The following ZSCAN31 variants were observed in gnomAD, a reference collection of about 807,000 sequenced individuals.
ZSCAN31 encodes the protein zinc finger and SCAN domain-containing protein 31.
In ZSCAN31, 14 loss-of-function variants were observed where a neutral mutation model predicts 22.5. That is an observed-to-expected ratio of 0.62 (90% CI 0.41 to 0.97). ZSCAN31 has a LOEUF of 0.97. Ranked by LOEUF, ZSCAN31 falls within the 50% of genes least tolerant of loss-of-function variation. The pLI, the probability that ZSCAN31 is intolerant of heterozygous loss-of-function variation, is 0.00. For missense variants in ZSCAN31, 424 were observed against 483.4 expected, an observed-to-expected ratio of 0.88 and a Z score of 1.15; for synonymous variants, 168 against 169.8, an observed-to-expected ratio of 0.99 and a Z score of 0.08.
At chr6:28,338,492 T>A (rs1764287937), upstream of ZSCAN31, among the ~76,000 whole-genome samples, 1 of 151,974 alleles carries the variant, frequency 6.6e-6, no homozygotes, top group Non-Finnish European at 1.5e-5. Context: ...CAGAACAGGG[T>A]CTCGTTCTGT....
upstream of ZSCAN31, among the ~76,000 whole-genome samples, chr6:28,340,729 A>T (rs1764378463): frequency 6.6e-6 from 1 of 152,176 alleles, no homozygotes; most frequent in Non-Finnish European, 1.5e-5. Flanking sequence ...AAATGATATT[A>T]TTTTTGCTTT....
intron 3 of ZSCAN31, 47 bp downstream of exon 3, chr6:28,327,336 T>C (rs776374938): frequency 2.5e-6 from 4 of 1,609,964 alleles, no homozygotes; most frequent in Non-Finnish European, 3.4e-6. Flanking sequence ...TATCGCCCTA[T>C]ATAGACCCAC....
upstream of ZSCAN31, among the ~76,000 whole-genome samples, chr6:28,338,505 A>G (rs554971389): frequency 3.5e-4 from 54 of 152,268 alleles, no homozygotes; most frequent in South Asian, 2.5e-3. Flanking sequence ...CGTTCTGTCA[A>G]CTAAGCTGGG....
intron 2 of ZSCAN31, among the ~76,000 whole-genome samples, chr6:28,350,790 T>C (rs1202708051): frequency 6.6e-6 from 1 of 152,184 alleles, no homozygotes; most frequent in African/African-American, 2.4e-5. Context: ...TAAGATACTC[T>C]GAAAAAGAGC....
upstream of ZSCAN31, among the ~76,000 whole-genome samples, chr6:28,355,007 T>C (rs1765330481): frequency 6.6e-6 from 1 of 152,202 alleles, no homozygotes; most frequent in Admixed American, 6.5e-5. Flanking sequence ...CCATAGGGTG[T>C]TGGTACTAGG....
upstream of ZSCAN31, among the ~76,000 whole-genome samples, chr6:28,338,438 A>AT (rs1243514836): frequency 5.3e-5 from 8 of 151,974 alleles, no homozygotes; most frequent in Admixed American, 1.3e-4. Context: ...TCACATTACA[A>AT]TTTTTTTTGT....
chr6:28,334,247 A>C (rs1434235170), intron 1 of ZSCAN31, among the ~76,000 whole-genome samples: 2 of 152,228 alleles, frequency 1.3e-5, no homozygotes, highest in African/African-American at 4.8e-5. Context: ...AGGAAGTGGA[A>C]GAGCTCATCC....
rs1220978380 is a variant in ZSCAN31 at position 28,349,326 on chromosome 6, T to C, written c.-371+4536A>G. Among the ~76,000 whole-genome samples the C allele has an allele frequency of 1.3e-5, 2 of 152,070 alleles. No individual in the cohort carries two copies. The highest frequency in any genetic ancestry group is 2.9e-5 in the Non-Finnish European group (2 of 67,994). On this transcript the variant is annotated intron_variant, in intron 2 of 7. Transcript: ENST00000396838. This position sits in a 1 kb window ranked among gnomAD's most constrained non-coding sequence, Gnocchi z 4.1. ...TTTCCATTCAGGTATCTTTTGTAAGTATTTGCTTCTGTGATAGATGTCTTT... is the reference window on the plus strand; with the variant it reads ...TTTCCATTCAGGTATCTTTTGTAAGCATTTGCTTCTGTGATAGATGTCTTT...
chr6:28,346,068 G>A (rs1354379154), intron 2 of ZSCAN31, among the ~76,000 whole-genome samples: 1 of 152,084 alleles, frequency 6.6e-6, no homozygotes, highest in Non-Finnish European at 1.5e-5. Context: ...GGCTCCGTGA[G>A]TTCAAAAGTC....
intron 2 of ZSCAN31, among the ~76,000 whole-genome samples, chr6:28,348,855 A>G (rs1459937039): frequency 6.6e-6 from 1 of 152,058 alleles, no homozygotes; most frequent in Non-Finnish European, 1.5e-5. Context: ...TCATATATAT[A>G]GGTGTATATA....
intron 2 of ZSCAN31, among the ~76,000 whole-genome samples, chr6:28,343,878 T>C (rs543103422): frequency 3.3e-5 from 5 of 152,270 alleles, no homozygotes; most frequent in African/African-American, 1.2e-4. Context: ...AGGTATATAA[T>C]GTGTAGTCAT....
chr6:28,351,883 A>C lies in ZSCAN31; in HGVS notation c.-371+1979T>G, dbSNP rs1188972381. 6.6e-6 allele frequency among the ~76,000 whole-genome samples: 1 copy of C among 152,154 alleles called. No individual in the cohort carries two copies. The highest frequency in any genetic ancestry group is 1.5e-5 in the Non-Finnish European group (1 of 68,036). On this transcript the variant is annotated intron_variant, in intron 2 of 7. Transcript: ENST00000396838. This position sits in a 1 kb window ranked among gnomAD's most constrained non-coding sequence, Gnocchi z 4.6. ...TCTTATATACAGGGACTTTTATCTT[A>C]ATATAATCATAGTATCATGATCACA...
In ZSCAN31 at chr6:28,325,185, G is replaced by A. The variant is rs1763179915; in HGVS notation, c.*981C>T. ...CCCCAGTAAGCAGCAAGCTGCCCAAGATATCAGACTTCTTTTCTTTATAAA... is the reference window on the plus strand; with the variant it reads ...CCCCAGTAAGCAGCAAGCTGCCCAAAATATCAGACTTCTTTTCTTTATAAA... On this transcript the variant is annotated 3_prime_UTR_variant, in exon 4 of 4. Transcript: ENST00000344279. 1 of 152,214 alleles carries A rather than the reference G, an allele frequency of 6.6e-6. No homozygotes were observed. Among genetic ancestry groups the A allele is most frequent in the Non-Finnish European group, 1.5e-5 (1 of 68,046 alleles). 9.4% of individuals were successfully genotyped at this position (152,214 alleles called of 1,614,324 possible).
intron 2 of ZSCAN31, among the ~76,000 whole-genome samples, chr6:28,344,584 A>G (rs1026297413): frequency 6.6e-6 from 1 of 152,204 alleles, no homozygotes; most frequent in African/African-American, 2.4e-5. Context: ...AGGAGGAAAA[A>G]TACTGAGTTT....
In ZSCAN31 at chr6:28,333,168, C is replaced by T. The variant is rs192493828; in HGVS notation, c.-96+2914G>A. ...GTTTCATTCCAGGACCTGCAGTGGA[C>T]TTCCACACTCATGAAAGGGAGACAG... On this transcript the variant is annotated intron_variant, in intron 1 of 3. Coordinates refer to ENST00000344279, the MANE Select transcript of ZSCAN31 (RefSeq NM_030899.5). This position sits in a 1 kb window ranked among gnomAD's most constrained non-coding sequence, Gnocchi z 4.1. Among the ~76,000 whole-genome samples the T allele has an allele frequency of 6.7e-6, 1 of 149,776 alleles. No individual in the cohort carries two copies. Among genetic ancestry groups the T allele is most frequent in the Non-Finnish European group, 1.5e-5 (1 of 67,988 alleles).
At position 28,326,213 on chromosome 6, in the gene ZSCAN31, T is replaced by C; in HGVS notation, c.1174A>G (p.Thr392Ala). Residue 392 changes from threonine to alanine, a missense_variant, in exon 4 of 4, where the codon ACA (threonine) becomes GCA (alanine). Physicochemically the swap from Thr to Ala is moderately conservative, Grantham distance 58 (BLOSUM62 0). Coordinates refer to ENST00000344279, the MANE Select transcript of ZSCAN31 (RefSeq NM_030899.5). The part of the protein sequence containing the change: ...SQCSKLFSKR[T>A]LLKKHQKIHT... ...ATTTTCTGATGTTTCTTAAGAAGTG[T>C]CCGCTTACTAAAGAGTTTACTGCAC... 1 of 1,613,406 alleles carries C rather than the reference T, an allele frequency of 6.2e-7. No homozygotes were observed. The highest frequency in any genetic ancestry group is 1.1e-5 in the South Asian group (1 of 91,062).
intron 2 of ZSCAN31, among the ~76,000 whole-genome samples, chr6:28,328,482 G>C (rs912409111): frequency 3.3e-5 from 5 of 152,198 alleles, no homozygotes; most frequent in Non-Finnish European, 5.9e-5. Context: ...TGAAAGAAGA[G>C]AAATATGGCT....
rs1764985368 is a variant in ZSCAN31, at chr6:28,351,163, A to C, written c.-371+2699T>G. Among the ~76,000 whole-genome samples, 1 of 152,178 alleles carries C rather than the reference A, an allele frequency of 6.6e-6. No homozygotes were observed. On this transcript the variant is annotated intron_variant, in intron 2 of 7. Transcript: ENST00000396838. The surrounding 1 kb of genome is among the most constrained non-coding windows in gnomAD (Gnocchi z 4.6). ...CTTCAGTATATTTACTGATTTGATAAATACTTTGTGTTGGCAACCAATTTC... is the reference window on the plus strand; with the variant it reads ...CTTCAGTATATTTACTGATTTGATACATACTTTGTGTTGGCAACCAATTTC...
At chr6:28,354,166 C>T in exon 1 of ZSCAN31, 1 of 352,180 alleles carries the variant, frequency 2.8e-6, no homozygotes, top group Non-Finnish European at 5.6e-6. Context: ...TTCTCTCTTA[C>T]AGGGTCAGCA....
Sources: allele counts gnomAD v4.1 joint callset (sites outside exome capture counted in the v4.1 genomes callset), GRCh38; gene constraint gnomAD v4.1.1; non-coding constraint Gnocchi (gnomAD v3.1); transcripts MANE v1.5; gene names NCBI Gene and HGNC (gene_info 2026-07-23, HGNC 2026-07-21).